CTNNA1: variants seen among roughly 807,000 people sequenced by gnomAD.
The protein encoded by CTNNA1 is catenin alpha-1.
In CTNNA1, 37 loss-of-function variants were observed where a neutral mutation model predicts 98.4. That is an observed-to-expected ratio of 0.38 (90% CI 0.29 to 0.49). The LOEUF is 0.49. Among genes scored for constraint, CTNNA1 ranks in the 20% least tolerant of loss-of-function variants. CTNNA1 has a pLI of 0.95. For missense variants in CTNNA1, 761 were observed against 1,147.2 expected (o/e 0.66, Z 4.86); for synonymous variants, 404 against 413.2 (o/e 0.98, Z 0.27).
At chr5:138,853,345 G>A (rs887163676) in intron 7 of CTNNA1, among the ~76,000 whole-genome samples, 2 of 151,996 alleles carry the variant, frequency 1.3e-5, no homozygotes, top group Admixed American at 6.6e-5. Context: ...TTTATGAAGT[G>A]TCTGTTTGTA....
intron 7 of CTNNA1, chr5:138,869,405 T>G (rs1375968516): frequency 6.6e-6 from 1 of 151,874 alleles, no homozygotes; most frequent in Middle Eastern, 3.2e-3. Context: ...CTCAAGGGCT[T>G]TAGTCAATAA....
chr5:138,790,495 G>A (rs1385961397), intron 3 of CTNNA1, among the ~76,000 whole-genome samples: 1 of 152,192 alleles, frequency 6.6e-6, no homozygotes, highest in African/African-American at 2.4e-5. Flanking sequence ...ATTTGTGTGA[G>A]TTCCTATGGC....
At chr5:138,903,664 G>A (rs770106430) in intron 9 of CTNNA1, among the ~76,000 whole-genome samples, 2 of 152,156 alleles carry the variant, frequency 1.3e-5, no homozygotes, top group Non-Finnish European at 2.9e-5. Context: ...TAAAGATTTC[G>A]GTTCAAATTA....
chr5:138,922,599 C>T (rs1180784509), intron 11 of CTNNA1, among the ~76,000 whole-genome samples: 3 of 152,172 alleles, frequency 2.0e-5, no homozygotes, highest in African/African-American at 4.8e-5. Context: ...TGTGTCTACT[C>T]ATAGTGGACC....
intron 3 of CTNNA1, among the ~76,000 whole-genome samples, chr5:138,800,719 C>T (rs1757481567): frequency 6.6e-6 from 1 of 152,112 alleles, no homozygotes; most frequent in Admixed American, 6.5e-5. Flanking sequence ...AGGAGAATCA[C>T]TTGAACCTGG....
chr5:138,794,710 A>G (rs1756744663), intron 3 of CTNNA1, among the ~76,000 whole-genome samples: 1 of 152,240 alleles, frequency 6.6e-6, no homozygotes, highest in Admixed American at 6.5e-5. Context: ...AAAATGAATT[A>G]AAATTTGGCT....
At chr5:138,864,874 G>T (rs1764599555) in intron 7 of CTNNA1, among the ~76,000 whole-genome samples, 2 of 152,100 alleles carry the variant, frequency 1.3e-5, no homozygotes, top group Admixed American at 1.3e-4. Flanking sequence ...GAGTGCAGTG[G>T]CGCGATCTCG....
intron 1 of CTNNA1, among the ~76,000 whole-genome samples, chr5:138,756,318 A>G (rs1032177328): frequency 6.6e-6 from 1 of 152,032 alleles, no homozygotes; most frequent in African/African-American, 2.4e-5. Context: ...GGCTTCAGCC[A>G]CCGTGCCCAG....
chr5:138,812,039 TAGA>T (rs1758869805), intron 4 of CTNNA1, 141 bp from the exon 5 acceptor site: 1 of 651,454 alleles, frequency 1.5e-6, no homozygotes, highest in Non-Finnish European at 2.7e-6. Context: ...GTTTAAATGT[TAGA>T]AGACCATGCG....
chr5:138,833,350 T>C (rs1300260992), intron 7 of CTNNA1, among the ~76,000 whole-genome samples: 1 of 152,228 alleles, frequency 6.6e-6, no homozygotes, highest in Admixed American at 6.5e-5. Context: ...CCACTCACCA[T>C]ATGTGGCTAT....
chr5:138,755,880 T>C (rs1751590875), intron 1 of CTNNA1, among the ~76,000 whole-genome samples: 2 of 90,864 alleles, frequency 2.2e-5, no homozygotes, highest in Non-Finnish European at 4.1e-5. Context: ...TTTTTTTTTT[T>C]GATGGAGTCT....
At chr5:138,871,638 G>A (rs929341503) in intron 7 of CTNNA1, 1 of 152,184 alleles carries the variant, frequency 6.6e-6, no homozygotes. Context: ...GCTAACCTGA[G>A]AGTCAGATTT....
At chr5:138,785,858 T>A (rs1489250310) in intron 3 of CTNNA1, among the ~76,000 whole-genome samples, 1 of 152,230 alleles carries the variant, frequency 6.6e-6, no homozygotes, top group Non-Finnish European at 1.5e-5. Flanking sequence ...CCTCCCGAAG[T>A]GCTGGGATTA....
At chr5:138,912,162 G>A (rs533149318) in intron 10 of CTNNA1, among the ~76,000 whole-genome samples, 2 of 152,290 alleles carry the variant, frequency 1.3e-5, no homozygotes, top group South Asian at 2.1e-4. Context: ...AACATTGAGA[G>A]TTTCAGGAGG....
chr5:138,894,110 G>A (rs1352698999), intron 9 of CTNNA1, among the ~76,000 whole-genome samples: 1 of 151,758 alleles, frequency 6.6e-6, no homozygotes, highest in African/African-American at 2.4e-5. Flanking sequence ...GTAGAGATGG[G>A]GTTTTGCCAT....
In CTNNA1 at chr5:138,761,167, G is replaced by T. The variant is rs1752320568; in HGVS notation, c.-3+7657G>T. On this transcript the variant is annotated intron_variant, in intron 1 of 17. Coordinates refer to ENST00000302763, the MANE Select transcript of CTNNA1 (RefSeq NM_001903.5). ...CTTATATTCTGTGGATTAGTTGTAG[G>T]TACATGCTGTTGTGAAAATAAATTC... 2.0e-5 allele frequency among the ~76,000 whole-genome samples: 3 copies of T among 152,150 alleles called. No homozygotes were observed. In the South Asian group the frequency reaches 6.2e-4, roughly 32 times the overall value.
rs189856569 is a variant in CTNNA1 at position 138,855,334 on chromosome 5, G to A, written c.1062+27616G>A. On this transcript the variant is annotated intron_variant, in intron 7 of 17. Coordinates refer to ENST00000302763, the MANE Select transcript of CTNNA1 (RefSeq NM_001903.5). ...TTATAGGCGTGAGCCACCGCGCCCA[G>A]CCTCAACTGTCATGTTTTAAACCAA... is the stretch of plus-strand genomic sequence containing the variant. Among the ~76,000 whole-genome samples the A allele has an allele frequency of 2.5e-3, 380 of 152,350 alleles. 2 individuals carry two copies. Among genetic ancestry groups the A allele is most frequent in the Middle Eastern group, 0.014 (4 of 294 alleles).
intron 7 of CTNNA1, among the ~76,000 whole-genome samples, chr5:138,843,184 A>C (rs1181937748): frequency 6.6e-6 from 1 of 152,246 alleles, no homozygotes; most frequent in Non-Finnish European, 1.5e-5. Flanking sequence ...ATTCCAGCAG[A>C]AAAACCAATG....
At chr5:138,836,059 C>A (rs1292202715) in intron 7 of CTNNA1, among the ~76,000 whole-genome samples, 2 of 152,148 alleles carry the variant, frequency 1.3e-5, no homozygotes, top group Non-Finnish European at 2.9e-5. Flanking sequence ...TGCTATTGGC[C>A]AGGCTGGTCT....
Sources: gnomAD v4.1 joint callset for allele counts (sites outside exome capture counted in the v4.1 genomes callset) on GRCh38, gnomAD v4.1.1 for gene constraint, MANE v1.5 for transcripts, NCBI Gene and HGNC (gene_info 2026-07-23, HGNC 2026-07-21) for gene names.